Variants in FAF1 observed in about 807,000 individuals in gnomAD.
FAF1 encodes FAS-associated factor 1.
Under a neutral mutation model 92.5 loss-of-function variants are expected in FAF1, and 25 were observed. The ratio of observed to expected loss-of-function variants is 0.27; its 90% confidence interval spans 0.20 to 0.38. The LOEUF (loss-of-function observed/expected upper bound fraction) is 0.38, where lower values mean the gene tolerates loss of function less well. Ranked by LOEUF, FAF1 falls within the 10% of genes least tolerant of loss-of-function variation. The pLI, the probability that FAF1 is intolerant of heterozygous loss-of-function variation, is 1.00. For missense variants in FAF1, 636 were observed against 793.3 expected (o/e 0.80, Z 2.38); for synonymous variants, 234 against 273.2 (o/e 0.86, Z 1.42).
intron 7 of FAF1, among the ~76,000 whole-genome samples, chr1:50,672,109 G>C (rs902873802): frequency 3.3e-5 from 5 of 151,342 alleles, no homozygotes; most frequent in Admixed American, 2.6e-4. Flanking sequence ...ACAGTGGCGC[G>C]ATCTCAGCTC....
At chr1:50,632,638 T>C (rs1443928611) in intron 8 of FAF1, among the ~76,000 whole-genome samples, 1 of 152,198 alleles carries the variant, frequency 6.6e-6, no homozygotes, top group Admixed American at 6.5e-5. Context: ...ATGGTTCAAT[T>C]TGGGGTAGTG....
chr1:50,558,762 T>C (rs1221678373), intron 13 of FAF1, among the ~76,000 whole-genome samples: 1 of 152,212 alleles, frequency 6.6e-6, no homozygotes, highest in Non-Finnish European at 1.5e-5. Context: ...ATTTCCTGAA[T>C]AGCATTAATT....
intron 18 of FAF1, among the ~76,000 whole-genome samples, chr1:50,464,042 G>T (rs1471952421): frequency 6.6e-6 from 1 of 152,198 alleles, no homozygotes; most frequent in African/African-American, 2.4e-5. Context: ...CCCAGAGGTA[G>T]GTCTAGTTGG....
intron 12 of FAF1, among the ~76,000 whole-genome samples, chr1:50,576,548 T>C (rs1049532850): frequency 2.6e-5 from 4 of 152,000 alleles, no homozygotes; most frequent in African/African-American, 9.7e-5. Context: ...AGGGTACTTT[T>C]GGTGGTGTAG....
At chr1:50,622,796 G>A (rs757899169) in intron 8 of FAF1, among the ~76,000 whole-genome samples, 5 of 152,110 alleles carry the variant, frequency 3.3e-5, no homozygotes, top group Non-Finnish European at 7.4e-5. Context: ...AAAATACTGT[G>A]AGGAGTAGGG....
At chr1:50,700,306 T>C (rs944772186) in intron 7 of FAF1, among the ~76,000 whole-genome samples, 1 of 152,132 alleles carries the variant, frequency 6.6e-6, no homozygotes, top group Non-Finnish European at 1.5e-5. Context: ...ACAGAGGTTC[T>C]TTTCCCCCCT....
intron 1 of FAF1, among the ~76,000 whole-genome samples, chr1:50,863,741 T>A (rs1337291790): frequency 6.6e-6 from 1 of 152,050 alleles, no homozygotes; most frequent in East Asian, 1.9e-4. Context: ...GAGGATTCCC[T>A]CTTTTTCTAT....
At chr1:50,763,197 G>A (rs557773653) in intron 4 of FAF1, among the ~76,000 whole-genome samples, 71 of 152,280 alleles carry the variant, frequency 4.7e-4, no homozygotes, top group African/African-American at 1.7e-3. Flanking sequence ...GGTAGTGGTT[G>A]CTGTAAGCCG....
chr1:50,775,947 A>G (rs942072316), intron 4 of FAF1, among the ~76,000 whole-genome samples: 2 of 152,180 alleles, frequency 1.3e-5, no homozygotes, highest in Non-Finnish European at 2.9e-5. Flanking sequence ...TCTGCCTGCC[A>G]TAATACTCAT....
intron 7 of FAF1, among the ~76,000 whole-genome samples, chr1:50,662,387 T>G (rs1046199048): frequency 9.2e-5 from 14 of 152,222 alleles, no homozygotes; most frequent in African/African-American, 3.4e-4. Flanking sequence ...TTATTTCAAC[T>G]CTTACTTGGC....
chr1:50,919,639 C>CATT (rs1293224363), intron 1 of FAF1, among the ~76,000 whole-genome samples: 2 of 152,104 alleles, frequency 1.3e-5, no homozygotes, highest in East Asian at 1.9e-4. Context: ...AAGCACCTGA[C>CATT]ACCACGTCTG....
At chr1:50,615,988 GT>G (rs1652897133) in intron 8 of FAF1, among the ~76,000 whole-genome samples, 1 of 152,126 alleles carries the variant, frequency 6.6e-6, no homozygotes, top group Middle Eastern at 3.4e-3. Context: ...ATAGTTTGAG[GT>G]TTTACATTTA....
chr1:50,846,876 C>G, intron 2 of FAF1: 1 of 467,008 alleles, frequency 2.1e-6, no homozygotes. Context: ...TATATTTAAT[C>G]CCTTCATATT....
At chr1:50,450,036 A>G (rs1342202446) in intron 18 of FAF1, among the ~76,000 whole-genome samples, 6 of 151,776 alleles carry the variant, frequency 4.0e-5, no homozygotes, top group African/African-American at 1.5e-4. Flanking sequence ...CTTTACTAAA[A>G]ATACAAAAAT....
intron 2 of FAF1, among the ~76,000 whole-genome samples, chr1:50,827,809 C>T (rs953832538): frequency 1.3e-5 from 2 of 151,900 alleles, no homozygotes; most frequent in Non-Finnish European, 2.9e-5. Context: ...GAAAAATGTA[C>T]ATAATTACGA....
At position 50,440,089 on chromosome 1, in the gene FAF1, A is replaced by G. The variant is rs1262991894; in HGVS notation, c.*1351T>C. ...TGGCCGAGGCTGGGGGAACAAACCC[A>G]GCATTTGAACTCTTTTTTGGACAAG... On this transcript the variant is annotated 3_prime_UTR_variant, in exon 19 of 19. Transcript: ENST00000396153. 6.6e-6 allele frequency: 1 copy of G among 152,224 alleles called. No homozygotes were observed. The highest frequency in any genetic ancestry group is 2.4e-5 in the African/African-American group (1 of 41,452). The allele number at this position is 152,224 out of a possible 1,614,324, so 9.4% of individuals were successfully genotyped here.
intron 8 of FAF1, among the ~76,000 whole-genome samples, chr1:50,632,762 T>C (rs892244721): frequency 3.3e-5 from 5 of 152,162 alleles, no homozygotes; most frequent in African/African-American, 1.2e-4. Context: ...GTCCCACACT[T>C]ATGCATTGTT....
intron 1 of FAF1, among the ~76,000 whole-genome samples, chr1:50,925,110 T>G (rs536617080): frequency 8.5e-5 from 13 of 152,130 alleles, no homozygotes; most frequent in Non-Finnish European, 1.0e-4. Context: ...GAATACACAT[T>G]GGGAAAACAA....
intron 12 of FAF1, among the ~76,000 whole-genome samples, chr1:50,573,771 A>G (rs959194024): frequency 3.3e-5 from 5 of 151,868 alleles, no homozygotes; most frequent in African/African-American, 1.2e-4. Flanking sequence ...AGATATCTGA[A>G]TCTTGCATAG....
Sources: allele counts gnomAD v4.1 joint callset (sites outside exome capture counted in the v4.1 genomes callset), GRCh38; gene constraint gnomAD v4.1.1; transcripts MANE v1.5; gene names NCBI Gene and HGNC (gene_info 2026-07-23, HGNC 2026-07-21).